NIM1K: variants seen among roughly 807,000 people sequenced by gnomAD.
NIM1K encodes the protein NIM1 serine/threonine protein kinase.
Under a neutral mutation model 37.1 loss-of-function variants are expected in NIM1K, and 35 were observed. The observed-to-expected ratio is 0.94, with a 90% CI of 0.72 to 1.25. The LOEUF (loss-of-function observed/expected upper bound fraction) is 1.25. Among genes scored for constraint, NIM1K ranks in the 50% most tolerant of loss-of-function variants. The probability of loss-of-function intolerance (pLI) is 0.00; values close to 1 mark genes in which losing one functional copy is unlikely to be tolerated. For synonymous variants in NIM1K, 234 were observed against 206.6 expected (o/e 1.13, Z -1.14); for missense variants, 564 against 548.0 (o/e 1.03, Z -0.29).
intron 2 of NIM1K, among the ~76,000 whole-genome samples, chr5:43,269,086 A>G (rs556880565): frequency 6.6e-6 from 1 of 152,214 alleles, no homozygotes; most frequent in Non-Finnish European, 1.5e-5. Flanking sequence ...AGGCAGGTAT[A>G]TCACCTGAGG....
chr5:43,233,023 CT>C, intron 1 of NIM1K: 2 of 1,230,016 alleles, frequency 1.6e-6, no homozygotes, highest in Non-Finnish European at 2.4e-6. Flanking sequence ...ACTGAAGAAG[CT>C]GTTGAAGGAG....
At chr5:43,220,293 C>CTTTTTTTT (rs70994613) in intron 1 of NIM1K, among the ~76,000 whole-genome samples, 2 of 130,428 alleles carry the variant, frequency 1.5e-5, no homozygotes, top group Non-Finnish European at 1.6e-5. Flanking sequence ...GTGGGTATCT[C>CTTTTTTTT]TTTTTTTTTT....
At chr5:43,219,747 G>A (rs906197691) in intron 1 of NIM1K, among the ~76,000 whole-genome samples, 2 of 151,714 alleles carry the variant, frequency 1.3e-5, no homozygotes, top group African/African-American at 4.8e-5. Context: ...TTGAGATGGA[G>A]TCTGGCTCTG....
At chr5:43,278,834 C>T (rs1158368833) in intron 3 of NIM1K, among the ~76,000 whole-genome samples, 1 of 152,102 alleles carries the variant, frequency 6.6e-6, no homozygotes, top group Non-Finnish European at 1.5e-5. Context: ...AAGAAGTGAG[C>T]CAGGGAGAAG....
intron 2 of NIM1K, among the ~76,000 whole-genome samples, chr5:43,247,074 A>G (rs965951270): frequency 1.3e-5 from 2 of 151,772 alleles, no homozygotes; most frequent in Non-Finnish European, 2.9e-5. Context: ...CCAACCCCCA[A>G]TCCCATGCCC....
At chr5:43,259,435 C>T (rs1752995254) in intron 2 of NIM1K, among the ~76,000 whole-genome samples, 1 of 152,176 alleles carries the variant, frequency 6.6e-6, no homozygotes, top group Non-Finnish European at 1.5e-5. Flanking sequence ...ACATTCATGC[C>T]AACATCTACT....
At chr5:43,232,122 CA>C (rs1579969502) in intron 1 of NIM1K, 25 of 1,039,424 alleles carry the variant, frequency 2.4e-5, no homozygotes, top group Non-Finnish European at 3.5e-5. Context: ...ACCTTGAAGC[CA>C]GGGGGCACCA....
chr5:43,198,219 T>A (rs1212527548), intron 1 of NIM1K, among the ~76,000 whole-genome samples: 2 of 95,736 alleles, frequency 2.1e-5, no homozygotes, highest in Non-Finnish European at 2.3e-5. Flanking sequence ...CTTTCTTTCT[T>A]TCTTTCTTTC....
At chr5:43,262,708 A>G (rs1753051971) in intron 2 of NIM1K, among the ~76,000 whole-genome samples, 1 of 152,142 alleles carries the variant, frequency 6.6e-6, no homozygotes, top group Non-Finnish European at 1.5e-5. Context: ...GAATGCTTCC[A>G]GTTTTTGCCC....
intron 2 of NIM1K, among the ~76,000 whole-genome samples, chr5:43,269,719 T>C (rs935095891): frequency 2.0e-5 from 3 of 151,794 alleles, no homozygotes; most frequent in African/African-American, 7.3e-5. Context: ...CCTGGGTTCA[T>C]GCCATTCTCC....
intron 2 of NIM1K, among the ~76,000 whole-genome samples, chr5:43,258,698 C>T (rs1228618258): frequency 6.6e-6 from 1 of 152,122 alleles, no homozygotes; most frequent in African/African-American, 2.4e-5. Context: ...TTGCCTTGGC[C>T]TCCCAGAGTG....
intron 2 of NIM1K, among the ~76,000 whole-genome samples, chr5:43,262,565 T>C (rs546192830): frequency 6.6e-6 from 1 of 152,328 alleles, no homozygotes; most frequent in East Asian, 1.9e-4. Context: ...AGGGACAATT[T>C]GACTTCCTCT....
At chr5:43,198,114 C>T (rs949003850) in intron 1 of NIM1K, among the ~76,000 whole-genome samples, 6 of 150,850 alleles carry the variant, frequency 4.0e-5, no homozygotes, top group East Asian at 1.9e-4. Context: ...GCTCTGCACC[C>T]GCACCTGGCC....
chr5:43,245,758 C>T lies in NIM1K; in HGVS notation c.-18C>T, dbSNP rs763154257. 4.5e-6 allele frequency: 7 copies of T among 1,555,184 alleles called. No homozygotes were observed. The highest frequency in any genetic ancestry group is 1.8e-5 in the Admixed American group (1 of 55,510). On this transcript the variant is annotated 5_prime_UTR_variant, in exon 2 of 4. It adds an upstream start codon to the 5' untranslated region. Transcript: ENST00000326035. ...ACCTGCCTCTTCGCTGAGATGGAGA[C>T]GTGAGCCCCCGTGGACGATGACTGC...
At chr5:43,232,913 A>G in intron 1 of NIM1K, 3 of 1,152,846 alleles carry the variant, frequency 2.6e-6, no homozygotes, top group Non-Finnish European at 3.9e-6. Context: ...TCAGGGTGGA[A>G]GAGCTGGTTG....
At position 43,253,907 on chromosome 5, in the gene NIM1K, C is replaced by A. The variant is rs147615958; in HGVS notation, c.292+7840C>A. ...CGAATTCCTGACCTCGTGATCCGCC[C>A]GCCTCAGCCTCCCAAAGTGCTGGGA... On this transcript the variant is annotated intron_variant, in intron 2 of 3. Transcript: ENST00000326035. 3.1e-3 allele frequency among the ~76,000 whole-genome samples: 468 copies of A among 152,148 alleles called. 2 individuals are homozygous for A. The highest frequency in any genetic ancestry group is 0.011 in the African/African-American group (455 of 41,510).
intron 1 of NIM1K, among the ~76,000 whole-genome samples, chr5:43,222,903 G>A (rs1752401903): frequency 6.6e-6 from 1 of 152,038 alleles, no homozygotes; most frequent in Admixed American, 6.6e-5. Context: ...AACTTTCGGA[G>A]GCCGAGGTGG....
chr5:43,273,852 C>T (rs890102317), intron 2 of NIM1K, among the ~76,000 whole-genome samples: 10 of 152,246 alleles, frequency 6.6e-5, no homozygotes, highest in African/African-American at 2.4e-4. Flanking sequence ...TTAATAGGTG[C>T]TATGCTTGTA....
At chr5:43,252,714 A>G (rs1752883219) in intron 2 of NIM1K, among the ~76,000 whole-genome samples, 2 of 152,180 alleles carry the variant, frequency 1.3e-5, no homozygotes, top group Admixed American at 1.3e-4. Context: ...CCAAGCTGAT[A>G]GTGAAGGTTG....
Sources: allele counts gnomAD v4.1 joint callset (sites outside exome capture counted in the v4.1 genomes callset), GRCh38; gene constraint gnomAD v4.1.1; transcripts MANE v1.5; gene names NCBI Gene and HGNC (gene_info 2026-07-23, HGNC 2026-07-21).